Variants in IL10RB observed in about 807,000 individuals in gnomAD.
IL10RB encodes interleukin 10 receptor subunit beta, also known as interleukin-10 receptor subunit beta.
In IL10RB, 30 loss-of-function variants were observed where a neutral mutation model predicts 38.7. That is an observed-to-expected ratio of 0.78 (90% CI 0.58 to 1.05). The LOEUF is 1.05. Ranked by LOEUF, IL10RB falls within the 50% of genes least tolerant of loss-of-function variation. The pLI is 0.00. For missense variants in IL10RB, 328 were observed against 397.1 expected, an observed-to-expected ratio of 0.83 and a Z score of 1.48; for synonymous variants, 142 against 145.9, an observed-to-expected ratio of 0.97 and a Z score of 0.19.
At chr21:33,271,470 C>T (rs960900127) in intron 2 of IL10RB, among the ~76,000 whole-genome samples, 9 of 151,946 alleles carry the variant, frequency 5.9e-5, no homozygotes, top group Admixed American at 6.6e-5. Context: ...GGCTCATGCC[C>T]GTAATCCCAG....
At chr21:33,284,308 AAAAAG>A (rs1242343844) in intron 5 of IL10RB, among the ~76,000 whole-genome samples, 7 of 150,754 alleles carry the variant, frequency 4.6e-5, no homozygotes, top group East Asian at 1.9e-4. Context: ...AAAAAAAAAA[AAAAAG>A]AAAAGAAAAC....
downstream of IL10RB, among the ~76,000 whole-genome samples, chr21:33,300,406 A>G (rs1204974881): frequency 6.7e-5 from 10 of 149,884 alleles, no homozygotes; most frequent in African/African-American, 2.5e-4. Context: ...GTGCCACTGC[A>G]CTCCAGCCTG....
intron 6 of IL10RB, among the ~76,000 whole-genome samples, chr21:33,290,148 C>T (rs8178537): frequency 3.1e-4 from 47 of 150,972 alleles, no homozygotes; most frequent in African/African-American, 8.5e-4. Context: ...AAAATTAACC[C>T]GGCATGCTGG....
At chr21:33,272,720 A>G (rs1989103400) in intron 2 of IL10RB, among the ~76,000 whole-genome samples, 1 of 152,210 alleles carries the variant, frequency 6.6e-6, no homozygotes, top group Non-Finnish European at 1.5e-5. Flanking sequence ...TGCTGGGATT[A>G]TAGGCGTGAG....
rs535051583 is a variant in IL10RB at position 33,292,956 on chromosome 21, CAT to C, written c.805-3225_805-3224del. Among the ~76,000 whole-genome samples the C allele has an allele frequency of 2.4e-4, 37 of 152,318 alleles. No individual in the cohort carries two copies. In the South Asian group the frequency reaches 7.7e-3, roughly 32 times the overall value. On this transcript the variant is annotated intron_variant, in intron 6 of 6. Coordinates refer to ENST00000290200, the MANE Select transcript of IL10RB (RefSeq NM_000628.5). ...GCAGCCTCCTGTGTGGTTTGATAAACATATTGGAACAGTCAGTATTCCTAGGC... is the reference window on the plus strand; with the variant it reads ...GCAGCCTCCTGTGTGGTTTGATAAACATTGGAACAGTCAGTATTCCTAGGC...
rs73360298 is a variant in IL10RB, at chr21:33,276,267, T to C, written c.174-329T>C. Among the ~76,000 whole-genome samples, 1,124 of 152,338 alleles carry C rather than the reference T, an allele frequency of 7.4e-3. 8 individuals carry two copies. Among genetic ancestry groups the C allele is most frequent in the African/African-American group, 0.024 (978 of 41,570 alleles). ...TACCGAAATGTCATTATGCAGCACATGACTTTATTGAAAATCATTGTAATA... is the reference window on the plus strand; with the variant it reads ...TACCGAAATGTCATTATGCAGCACACGACTTTATTGAAAATCATTGTAATA... On this transcript the variant is annotated intron_variant, in intron 2 of 6. Coordinates refer to ENST00000290200, the MANE Select transcript of IL10RB (RefSeq NM_000628.5).
intron 4 of IL10RB, among the ~76,000 whole-genome samples, chr21:33,281,236 C>A (rs1450777062): frequency 6.6e-6 from 1 of 152,208 alleles, no homozygotes; most frequent in Non-Finnish European, 1.5e-5. Context: ...CATATGAATT[C>A]TGATACTCAC....
downstream of IL10RB, among the ~76,000 whole-genome samples, chr21:33,298,412 G>A (rs1476802484): frequency 6.6e-6 from 1 of 152,042 alleles, no homozygotes; most frequent in Non-Finnish European, 1.5e-5. Context: ...TCAGGAGTTC[G>A]AGACCAGCCT....
intron 2 of IL10RB, among the ~76,000 whole-genome samples, chr21:33,272,725 C>T (rs774105529): frequency 2.6e-5 from 4 of 152,198 alleles, no homozygotes; most frequent in Admixed American, 6.5e-5. Context: ...GGATTATAGG[C>T]GTGAGCCACT....
At chr21:33,286,337 C>G (rs998307086) in intron 5 of IL10RB, among the ~76,000 whole-genome samples, 3 of 152,100 alleles carry the variant, frequency 2.0e-5, no homozygotes, top group African/African-American at 7.2e-5. Context: ...TTCTCTTGGC[C>G]CCTCTCAGAG....
intron 6 of IL10RB, among the ~76,000 whole-genome samples, chr21:33,292,620 G>A (rs1051356903): frequency 2.0e-5 from 3 of 152,210 alleles, no homozygotes; most frequent in East Asian, 3.9e-4. Context: ...TGTCTCTGCC[G>A]GGACCCCATA....
At chr21:33,285,417 G>A (rs1489999143) in intron 5 of IL10RB, among the ~76,000 whole-genome samples, 1 of 152,176 alleles carries the variant, frequency 6.6e-6, no homozygotes, top group African/African-American at 2.4e-5. Flanking sequence ...TCTGCCTCAT[G>A]GTGTGGTCAG....
At chr21:33,277,780 G>A (rs189329969) in intron 3 of IL10RB, among the ~76,000 whole-genome samples, 22 of 144,736 alleles carry the variant, frequency 1.5e-4, no homozygotes, top group African/African-American at 4.6e-4. Context: ...AATGATTCTC[G>A]TGCCTCAGCC....
chr21:33,309,746 CA>C (rs1568916683), exon 2 of IL10RB: 1 of 152,188 alleles, frequency 6.6e-6, no homozygotes, highest in African/African-American at 2.4e-5. Context: ...TAGAGAATAA[CA>C]GTTTAAGTCC....
chr21:33,267,560 G>A (rs1405486831), intron 1 of IL10RB, among the ~76,000 whole-genome samples: 1 of 146,380 alleles, frequency 6.8e-6, no homozygotes, highest in Non-Finnish European at 1.5e-5. Flanking sequence ...CTGTGGCCCA[G>A]GCTGGAGTGC....
intron 2 of IL10RB, among the ~76,000 whole-genome samples, chr21:33,275,609 A>T (rs1259929726): frequency 6.6e-6 from 1 of 152,152 alleles, no homozygotes; most frequent in Non-Finnish European, 1.5e-5. Context: ...ATTTTCAATA[A>T]GGCTGTTTTA....
rs750510923 is a variant in IL10RB, at chr21:33,296,421, T to G, written c.*64T>G. ...GTACTCCATCTCACATCTGCCTCAGTGAGGGATCAGGGCAGCAAACAAGGG... is the reference window on the plus strand; with the variant it reads ...GTACTCCATCTCACATCTGCCTCAGGGAGGGATCAGGGCAGCAAACAAGGG... On this transcript the variant is annotated 3_prime_UTR_variant, in exon 7 of 7. Coordinates refer to ENST00000290200, the MANE Select transcript of IL10RB (RefSeq NM_000628.5). 6.6e-7 allele frequency: 1 copy of G among 1,525,470 alleles called. No individual in the cohort carries two copies. The highest frequency in any genetic ancestry group is 9.0e-7 in the Non-Finnish European group (1 of 1,111,530). The allele number at this position is 1,525,470 out of a possible 1,614,324, so 94.5% of individuals were successfully genotyped here.
chr21:33,297,710 G>C (rs563062289), downstream of IL10RB, among the ~76,000 whole-genome samples: 1 of 152,230 alleles, frequency 6.6e-6, no homozygotes, highest in East Asian at 1.9e-4. Context: ...CTACTCAGGA[G>C]GCTGAGGTGG....
chr21:33,302,674 G>T (rs1262507462), intron 1 of IL10RB, among the ~76,000 whole-genome samples: 1 of 152,200 alleles, frequency 6.6e-6, no homozygotes, highest in Non-Finnish European at 1.5e-5. Flanking sequence ...GACAGCAGGT[G>T]TAGCCAACTC....
Sources: allele counts gnomAD v4.1 joint callset (sites outside exome capture counted in the v4.1 genomes callset), GRCh38; gene constraint gnomAD v4.1.1; transcripts MANE v1.5; gene names NCBI Gene and HGNC (gene_info 2026-07-23, HGNC 2026-07-21).